Variants in GTF3C1 observed in about 807,000 individuals in gnomAD.
GTF3C1 encodes the protein general transcription factor 3C polypeptide 1.
In GTF3C1, 57 loss-of-function variants were observed where a neutral mutation model predicts 226.7. The ratio of observed to expected loss-of-function variants is 0.25; its 90% CI spans 0.20 to 0.31. The LOEUF (loss-of-function observed/expected upper bound fraction) is 0.31. Ranked by LOEUF, GTF3C1 falls within the 10% of genes least tolerant of loss-of-function variation. The pLI is 1.00. For synonymous variants in GTF3C1, 1,090 were observed against 1,084.8 expected, an observed-to-expected ratio of 1.00 and a Z score of -0.09; for missense variants, 2,217 against 2,776.1, an observed-to-expected ratio of 0.80 and a Z score of 4.53.
chr16:27,506,528 TAACTA>T (rs2088487538), intron 9 of GTF3C1, among the ~76,000 whole-genome samples: 1 of 152,188 alleles, frequency 6.6e-6, no homozygotes, highest in African/African-American at 2.4e-5. Flanking sequence ...AAGTTTTCTA[TAACTA>T]AACTAAAAAC....
At chr16:27,468,461 A>G (rs2141345732) in intron 32 of GTF3C1, among the ~76,000 whole-genome samples, 1 of 152,232 alleles carries the variant, frequency 6.6e-6, no homozygotes, top group Non-Finnish European at 1.5e-5. Flanking sequence ...AAAATTAAAA[A>G]ATTAGCTGGC....
chr16:27,473,708 G>C (rs1395151009), intron 29 of GTF3C1, among the ~76,000 whole-genome samples: 1 of 152,220 alleles, frequency 6.6e-6, no homozygotes, highest in African/African-American at 2.4e-5. Flanking sequence ...CAGCACCCAG[G>C]TGTTCCCTGG....
chr16:27,535,848 CA>C (rs879337659), intron 4 of GTF3C1, among the ~76,000 whole-genome samples: 98 of 138,892 alleles, frequency 7.1e-4, no homozygotes, highest in Non-Finnish European at 7.7e-4. Context: ...AACTCCGTCT[CA>C]AAAAAAAAAA....
intron 2 of GTF3C1, among the ~76,000 whole-genome samples, chr16:27,543,972 C>T (rs774148233): frequency 4.6e-5 from 7 of 152,056 alleles, no homozygotes; most frequent in Admixed American, 6.6e-5. Flanking sequence ...GGGGGTGATT[C>T]ATCTAAGAAG....
chr16:27,522,803 T>C (rs1394192618), intron 6 of GTF3C1, among the ~76,000 whole-genome samples: 1 of 152,234 alleles, frequency 6.6e-6, no homozygotes, highest in African/African-American at 2.4e-5. Flanking sequence ...AGCGTATATG[T>C]TTTGTACTTC....
intron 6 of GTF3C1, among the ~76,000 whole-genome samples, chr16:27,520,735 G>T (rs1320375902): frequency 1.3e-5 from 2 of 152,046 alleles, no homozygotes; most frequent in Non-Finnish European, 2.9e-5. Context: ...TTTTGTTGTT[G>T]TTGAGATGGA....
intron 28 of GTF3C1, 26 bp from the exon 29 acceptor site, chr16:27,476,570 C>T (rs1243468235): frequency 1.5e-6 from 2 of 1,323,060 alleles, no homozygotes; most frequent in Non-Finnish European, 2.2e-6. Context: ...CAGCAGGGCA[C>T]CATGAGACCA....
chr16:27,515,717 CTT>C (rs886156931), intron 6 of GTF3C1, among the ~76,000 whole-genome samples: 4 of 152,164 alleles, frequency 2.6e-5, no homozygotes, highest in East Asian at 1.9e-4. Flanking sequence ...AAGTATGACT[CTT>C]TGTTTTCCGA....
chr16:27,545,121 C>T (rs1040701383), intron 2 of GTF3C1, among the ~76,000 whole-genome samples, 193 bp downstream of exon 2: 2 of 152,282 alleles, frequency 1.3e-5, no homozygotes, highest in Admixed American at 1.3e-4. Flanking sequence ...GGATTATGGG[C>T]ATGTGCCACC....
rs200317763 is a variant in GTF3C1, at chr16:27,471,849, G to A, written c.4425C>T (p.Ser1475=). The A allele has an allele frequency of 1.2e-5, 19 of 1,613,952 alleles. No homozygotes were observed. The East Asian group carries it at 2.7e-4, about 23-fold the overall frequency. Reference sequence around the variant, plus strand: ...GGTTGACCCGGCGCCGGTTGACCAAGCTCCTCTTCTGGCACTCCATGAAGG... The same window carrying A: ...GGTTGACCCGGCGCCGGTTGACCAAACTCCTCTTCTGGCACTCCATGAAGG... The part of the protein sequence containing the change: ...VKAFMECQKR[S]LVNRRRVNHT... The change falls in exon 30 of 37, where the codon AGC becomes AGT. Residue 1475 remains serine, a synonymous_variant. Transcript: ENST00000356183. The surrounding 1 kb of genome is among the most constrained non-coding windows in gnomAD (Gnocchi z 5.0).
At chr16:27,464,888 G>A (rs749780130) in intron 33 of GTF3C1, 52 bp from the exon 34 acceptor site, 7 of 1,410,806 alleles carry the variant, frequency 5.0e-6, no homozygotes, top group African/African-American at 2.9e-5. Context: ...GATCCTCCAC[G>A]CTGGTGACGG....
rs531874979 is a variant in GTF3C1 at position 27,509,421 on chromosome 16, C to T, written c.1127-766G>A. Among the ~76,000 whole-genome samples the T allele has an allele frequency of 3.3e-5, 5 of 152,264 alleles. No individual in the cohort carries two copies. In the South Asian group the frequency reaches 6.2e-4, roughly 19 times the overall value. Reference sequence around the variant, plus strand: ...AGTCCCAGCAGTAAAGCACATGAGCCGCAAGGCAGACTTGGTTGCAAAGCT... The same window carrying T: ...AGTCCCAGCAGTAAAGCACATGAGCTGCAAGGCAGACTTGGTTGCAAAGCT... On this transcript the variant is annotated intron_variant, in intron 7 of 36. Transcript: ENST00000356183.
At chr16:27,478,133 T>C (rs984793782) in intron 28 of GTF3C1, among the ~76,000 whole-genome samples, 4 of 151,436 alleles carry the variant, frequency 2.6e-5, no homozygotes, top group African/African-American at 9.7e-5. Flanking sequence ...ATCAATCCAC[T>C]GCACTTCAGC....
At chr16:27,484,837 C>T (rs555021026) in intron 24 of GTF3C1, among the ~76,000 whole-genome samples, 2 of 152,306 alleles carry the variant, frequency 1.3e-5, no homozygotes, top group South Asian at 2.1e-4. Flanking sequence ...AAGGCAAGGC[C>T]GACATGAGAA....
chr16:27,506,981 G>T lies in GTF3C1; in HGVS notation c.1418C>A (p.Thr473Asn). The T allele has an allele frequency of 6.2e-7, 1 of 1,613,798 alleles. No individual in the cohort carries two copies. The highest frequency in any genetic ancestry group is 8.5e-7 in the Non-Finnish European group (1 of 1,179,870). The change falls in exon 9 of 37, where the codon ACC (threonine) becomes AAC (asparagine). Residue 473 changes from threonine to asparagine, a missense_variant. Thr to Asn is a moderately conservative substitution (Grantham distance 65). Transcript: ENST00000356183. Reference protein sequence around the residue: ...EESLLPEGEDTFLSESDSEEE... With the variant: ...EESLLPEGEDNFLSESDSEEE... Reference sequence around the variant, plus strand: ...CTCACTGTCCGACTCAGAGAGGAAGGTGTCCTCGCCTTCAGGCAGAAGCGA... The same window carrying T: ...CTCACTGTCCGACTCAGAGAGGAAGTTGTCCTCGCCTTCAGGCAGAAGCGA...
chr16:27,543,639 C>A (rs2089121625), intron 2 of GTF3C1, among the ~76,000 whole-genome samples: 2 of 152,188 alleles, frequency 1.3e-5, no homozygotes, highest in South Asian at 4.1e-4. Context: ...CTCAAGTGAT[C>A]CTCCTGCCTT....
At chr16:27,475,743 G>A (rs983287854) in intron 29 of GTF3C1, among the ~76,000 whole-genome samples, 16 of 152,118 alleles carry the variant, frequency 1.1e-4, no homozygotes, top group Non-Finnish European at 1.6e-4. Flanking sequence ...CTGTGTCCTC[G>A]GGAGACAGAT....
chr16:27,487,519 G>A (rs1202263610), intron 23 of GTF3C1, among the ~76,000 whole-genome samples: 1 of 152,200 alleles, frequency 6.6e-6, no homozygotes, highest in Admixed American at 6.5e-5. Flanking sequence ...AGGCTTACAC[G>A]ACTCCCAGCT....
chr16:27,502,840 C>G lies in GTF3C1; in HGVS notation c.1907+19G>C. 3 of 1,554,348 alleles carry G rather than the reference C, an allele frequency of 1.9e-6. No homozygotes were observed. Among genetic ancestry groups the G allele is most frequent in the Non-Finnish European group, 2.6e-6 (3 of 1,148,388 alleles). On this transcript the variant is annotated intron_variant, in intron 11 of 36. Coordinates refer to ENST00000356183, the MANE Select transcript of GTF3C1 (RefSeq NM_001520.4). ...CTGTTAGTGCCAGCAGACAGACAGA[C>G]AGACAGACAGCTCCTTACGTGAATA... is the stretch of plus-strand genomic sequence containing the variant.
Sources: allele counts gnomAD v4.1 joint callset (sites outside exome capture counted in the v4.1 genomes callset), GRCh38; gene constraint gnomAD v4.1.1; non-coding constraint Gnocchi (gnomAD v3.1); transcripts MANE v1.5; gene names NCBI Gene and HGNC (gene_info 2026-07-23, HGNC 2026-07-21).